PCSK5: variants seen among roughly 807,000 people sequenced by gnomAD.
The protein encoded by PCSK5 is prohormone convertase 5.
Under a neutral mutation model 233.2 loss-of-function variants are expected in PCSK5, and 129 were observed. The ratio of observed to expected loss-of-function variants is 0.55; its 90% CI spans 0.48 to 0.64. The LOEUF (loss-of-function observed/expected upper bound fraction) is 0.64, where lower values mean the gene tolerates loss of function less well. PCSK5 is among the 30% of genes least tolerant of loss of function. The pLI is 0.00. For synonymous variants in PCSK5, 825 were observed against 879.2 expected (o/e 0.94, Z 1.09); for missense variants, 2,076 against 2,430.1 (o/e 0.85, Z 3.06).
intron 1 of PCSK5, among the ~76,000 whole-genome samples, chr9:75,892,656 C>T (rs570157841): frequency 6.6e-6 from 1 of 152,304 alleles, no homozygotes; most frequent in East Asian, 1.9e-4. Context: ...CGCCCAGGAA[C>T]CCGGGGACAC....
intron 24 of PCSK5, among the ~76,000 whole-genome samples, chr9:76,250,046 C>G (rs1018458603): frequency 1.3e-5 from 2 of 152,184 alleles, no homozygotes; most frequent in African/African-American, 4.8e-5. Flanking sequence ...GTGGCTCACA[C>G]CTGTAATCCC....
At chr9:76,031,847 T>G (rs928877862) in intron 5 of PCSK5, among the ~76,000 whole-genome samples, 5 of 152,208 alleles carry the variant, frequency 3.3e-5, no homozygotes, top group Non-Finnish European at 7.3e-5. Context: ...AGTTAAAAAT[T>G]ACAGTTATCT....
intron 16 of PCSK5, among the ~76,000 whole-genome samples, chr9:76,181,858 C>T (rs1462087453): frequency 1.3e-5 from 2 of 152,108 alleles, no homozygotes; most frequent in African/African-American, 4.8e-5. Context: ...CATGAACTCA[C>T]AGATAGGAGA....
At chr9:76,210,383 G>A (rs542656091) in intron 20 of PCSK5, among the ~76,000 whole-genome samples, 4 of 152,328 alleles carry the variant, frequency 2.6e-5, no homozygotes, top group African/African-American at 9.6e-5. Flanking sequence ...ACTCCCGGGG[G>A]TCAGTTCGCT....
chr9:76,120,453 CT>C (rs1564039799), intron 9 of PCSK5, among the ~76,000 whole-genome samples: 1 of 152,010 alleles, frequency 6.6e-6, no homozygotes. Context: ...TCAAAAAAAT[CT>C]TTCTACATTG....
intron 1 of PCSK5, among the ~76,000 whole-genome samples, chr9:75,897,518 G>T (rs1222221214): frequency 7.3e-6 from 1 of 137,312 alleles, no homozygotes; most frequent in Non-Finnish European, 1.5e-5. Flanking sequence ...TCCCGAAACG[G>T]AGTCTTGCTT....
chr9:76,193,410 A>AAAT, intron 20 of PCSK5: 2 of 1,206,310 alleles, frequency 1.7e-6, no homozygotes, highest in Non-Finnish European at 2.1e-6. Context: ...ATATTATTAA[A>AAAT]AAGAAAAAAG....
chr9:75,940,730 T>C (rs540802829), intron 2 of PCSK5, among the ~76,000 whole-genome samples: 3 of 152,334 alleles, frequency 2.0e-5, no homozygotes, highest in South Asian at 4.1e-4. Flanking sequence ...TCCTTATCAG[T>C]CAAATTCCAT....
At chr9:76,228,411 G>C (rs1478973275) in intron 21 of PCSK5, among the ~76,000 whole-genome samples, 1 of 152,164 alleles carries the variant, frequency 6.6e-6, no homozygotes, top group Admixed American at 6.5e-5. Context: ...TGTAGCCTTT[G>C]AAGGTTTTCA....
At chr9:76,223,184 T>C (rs915618335) in intron 20 of PCSK5, among the ~76,000 whole-genome samples, 1 of 152,100 alleles carries the variant, frequency 6.6e-6, no homozygotes, top group Non-Finnish European at 1.5e-5. Context: ...TCATAAAATA[T>C]CATATTTATG....
chr9:76,002,887 A>G (rs1222356650), intron 3 of PCSK5, among the ~76,000 whole-genome samples: 8 of 152,210 alleles, frequency 5.3e-5, no homozygotes, highest in Non-Finnish European at 1.2e-4. Flanking sequence ...CATCATTGCA[A>G]GATAACTGTC....
At chr9:76,324,092 A>C (rs994436037) in intron 32 of PCSK5, among the ~76,000 whole-genome samples, 1 of 151,514 alleles carries the variant, frequency 6.6e-6, no homozygotes, top group African/African-American at 2.4e-5. Flanking sequence ...CGCCTGGCTA[A>C]TTTTTCTATT....
intron 2 of PCSK5, among the ~76,000 whole-genome samples, chr9:75,941,557 A>G (rs967843671): frequency 1.3e-5 from 2 of 152,150 alleles, no homozygotes; most frequent in South Asian, 2.1e-4. Flanking sequence ...GACTTAGGAC[A>G]GCTCTCTCGT....
intron 17 of PCSK5, among the ~76,000 whole-genome samples, chr9:76,185,414 G>A (rs772371722): frequency 1.3e-4 from 20 of 152,196 alleles, no homozygotes; most frequent in Non-Finnish European, 7.3e-5. Context: ...GAGGCTGTAC[G>A]TAGAATTAGA....
chr9:75,942,566 T>C (rs1008934442), intron 2 of PCSK5, among the ~76,000 whole-genome samples: 2 of 152,144 alleles, frequency 1.3e-5, no homozygotes, highest in African/African-American at 4.8e-5. Flanking sequence ...GTCTTGCAAG[T>C]TGTGGAGCGA....
At chr9:76,064,211 G>A (rs1471048210) in intron 5 of PCSK5, among the ~76,000 whole-genome samples, 1 of 117,542 alleles carries the variant, frequency 8.5e-6, no homozygotes, top group African/African-American at 4.1e-5. Flanking sequence ...CTCCCGGACG[G>A]GGCGGCTGGC....
chr9:76,049,848 A>G (rs1003668871), intron 5 of PCSK5, among the ~76,000 whole-genome samples: 3 of 152,228 alleles, frequency 2.0e-5, no homozygotes, highest in African/African-American at 7.2e-5. Context: ...TCCATCACTC[A>G]ATCATTAACA....
intron 20 of PCSK5, among the ~76,000 whole-genome samples, chr9:76,222,922 T>A (rs1003893084): frequency 6.6e-6 from 1 of 152,236 alleles, no homozygotes; most frequent in Non-Finnish European, 1.5e-5. Flanking sequence ...GGAAACTACA[T>A]GTTGGCATCC....
chr9:76,103,407 G>A (rs1019790492), intron 8 of PCSK5, among the ~76,000 whole-genome samples: 5 of 152,078 alleles, frequency 3.3e-5, no homozygotes, highest in Non-Finnish European at 5.9e-5. Flanking sequence ...AGATATCAAG[G>A]AGAGAGAAAC....
Sources: allele counts gnomAD v4.1 joint callset (sites outside exome capture counted in the v4.1 genomes callset), GRCh38; gene constraint gnomAD v4.1.1; transcripts MANE v1.5; gene names NCBI Gene and HGNC (gene_info 2026-07-23, HGNC 2026-07-21).